Variants in OSBPL3 observed in about 807,000 individuals in gnomAD.
OSBPL3 encodes the protein oxysterol-binding protein-related protein 3.
OSBPL3 carries 65 observed loss-of-function variants against 120.1 expected under a neutral mutation model. The ratio of observed to expected loss-of-function variants is 0.54; its 90% confidence interval spans 0.44 to 0.67. The LOEUF (loss-of-function observed/expected upper bound fraction) is 0.67, where lower values mean the gene tolerates loss of function less well. OSBPL3 is among the 30% of genes least tolerant of loss of function. The probability of loss-of-function intolerance (pLI) is 0.00; values close to 1 mark genes in which losing one functional copy is unlikely to be tolerated. For synonymous variants in OSBPL3, 416 were observed against 402.6 expected (o/e 1.03, Z -0.40); for missense variants, 1,004 against 1,082.1 (o/e 0.93, Z 1.01).
intron 22 of OSBPL3, among the ~76,000 whole-genome samples, chr7:24,801,628 G>A (rs374074735): frequency 2.6e-5 from 4 of 152,328 alleles, no homozygotes; most frequent in African/African-American, 7.2e-5. Context: ...CCCAAGGGTC[G>A]AATCCAGCCT....
chr7:24,810,016 GA>G (rs1193883371), intron 19 of OSBPL3, 65 bp from the exon 20 acceptor site: 2 of 1,554,184 alleles, frequency 1.3e-6, no homozygotes, highest in Non-Finnish European at 1.8e-6. Flanking sequence ...ATTAAGGAAA[GA>G]AAAAAGGAAA....
At chr7:24,838,481 G>A (rs1400911733) in intron 14 of OSBPL3, among the ~76,000 whole-genome samples, 2 of 152,182 alleles carry the variant, frequency 1.3e-5, no homozygotes, top group Non-Finnish European at 2.9e-5. Flanking sequence ...GGGCGACAGA[G>A]TGAGACCCTG....
In OSBPL3 at chr7:24,953,801, A is replaced by C. The variant is rs533169288; in HGVS notation, c.-150+26085T>G. ...ATAAATGGTCAATGCCTGACTCTCCATTAAATGTTCAACGGCATGAACTAG... is the reference window on the plus strand; with the variant it reads ...ATAAATGGTCAATGCCTGACTCTCCCTTAAATGTTCAACGGCATGAACTAG... On this transcript the variant is annotated intron_variant, in intron 1 of 22. Coordinates refer to ENST00000313367, the MANE Select transcript of OSBPL3 (RefSeq NM_015550.4). This position sits in a 1 kb window ranked among gnomAD's most constrained non-coding sequence, Gnocchi z 4.3. Among the ~76,000 whole-genome samples the C allele has an allele frequency of 3.3e-5, 5 of 152,354 alleles. No homozygotes were observed. The highest frequency in any genetic ancestry group is 1.2e-4 in the African/African-American group (5 of 41,588).
At chr7:24,893,467 G>C (rs552818232) in intron 1 of OSBPL3, among the ~76,000 whole-genome samples, 1 of 152,346 alleles carries the variant, frequency 6.6e-6, no homozygotes, top group Admixed American at 6.5e-5. Context: ...ACTGAGGGGA[G>C]AGTAGAGTGA....
rs748621526 is a variant in OSBPL3, at chr7:24,849,337, A to G, written c.1159-161T>C. The G allele has an allele frequency of 4.0e-6, 2 of 504,094 alleles. No individual in the cohort carries two copies. The highest frequency in any genetic ancestry group is 3.6e-6 in the Non-Finnish European group (1 of 279,422). The allele number at this position is 504,094 out of a possible 1,614,324, so 31.2% of individuals were successfully genotyped here. On this transcript the variant is annotated intron_variant, in intron 11 of 22. Coordinates refer to ENST00000313367, the MANE Select transcript of OSBPL3 (RefSeq NM_015550.4). This position sits in a 1 kb window ranked among gnomAD's most constrained non-coding sequence, Gnocchi z 5.4. ...ACTTTTTCCTTGAATGCTCTCCAAG[A>G]GGATACTGGTTCTGAGATGCCTGGG...
chr7:24,864,990 T>C (rs1801101032), intron 7 of OSBPL3, among the ~76,000 whole-genome samples: 1 of 152,132 alleles, frequency 6.6e-6, no homozygotes. Flanking sequence ...AAGATCTCCA[T>C]CTGATCACTC....
intron 1 of OSBPL3, among the ~76,000 whole-genome samples, chr7:24,923,117 G>A (rs1019681772): frequency 5.3e-5 from 8 of 152,110 alleles, no homozygotes; most frequent in African/African-American, 1.9e-4. Flanking sequence ...TCTAATCCTA[G>A]AAGATAGTTT....
intron 1 of OSBPL3, among the ~76,000 whole-genome samples, chr7:24,911,710 T>G (rs746304644): frequency 3.9e-5 from 6 of 152,162 alleles, no homozygotes; most frequent in Non-Finnish European, 5.9e-5. Context: ...AATAATTCCT[T>G]GTAAGAGAAT....
rs151315445 is a variant in OSBPL3 at position 24,817,348 on chromosome 7, C to G, written c.1949-660G>C. ...CACAGCCAACATGGCGAAACCCCTT[C>G]TCTATTAAAAATACAAAAATTAGCT... On this transcript the variant is annotated intron_variant, in intron 17 of 22. Coordinates refer to ENST00000313367, the MANE Select transcript of OSBPL3 (RefSeq NM_015550.4). This position sits in a 1 kb window ranked among gnomAD's most constrained non-coding sequence, Gnocchi z 4.0. Among the ~76,000 whole-genome samples, 124 of 152,208 alleles carry G rather than the reference C, an allele frequency of 8.1e-4. No homozygotes were observed. The highest frequency in any genetic ancestry group is 2.8e-3 in the African/African-American group (116 of 41,520).
At chr7:24,885,647 CT>C (rs1254626206) in intron 2 of OSBPL3, among the ~76,000 whole-genome samples, 5 of 152,224 alleles carry the variant, frequency 3.3e-5, no homozygotes, top group Admixed American at 3.3e-4. Context: ...ATGCCAAATG[CT>C]AACAATACAC....
In OSBPL3 at chr7:24,898,523, T is replaced by C. The variant is rs981063089; in HGVS notation, c.-149-5902A>G. Among the ~76,000 whole-genome samples, 2 of 152,280 alleles carry C rather than the reference T, an allele frequency of 1.3e-5. No homozygotes were observed. Among genetic ancestry groups the C allele is most frequent in the South Asian group, 2.1e-4 (1 of 4,826 alleles). ...GACTCAAATGCTTACTCTGGCACAATAGAGTATCCATTTCTATTCCCTGCT... is the reference window on the plus strand; with the variant it reads ...GACTCAAATGCTTACTCTGGCACAACAGAGTATCCATTTCTATTCCCTGCT... On this transcript the variant is annotated intron_variant, in intron 1 of 22. Coordinates refer to ENST00000313367, the MANE Select transcript of OSBPL3 (RefSeq NM_015550.4). The surrounding 1 kb of genome is among the most constrained non-coding windows in gnomAD (Gnocchi z 4.3).
chr7:24,876,473 T>G (rs931890505), intron 2 of OSBPL3, among the ~76,000 whole-genome samples: 3 of 152,170 alleles, frequency 2.0e-5, no homozygotes, highest in African/African-American at 7.2e-5. Flanking sequence ...TGGTCTTTTT[T>G]TCCCAAGCTA....
At chr7:24,929,408 T>C (rs1247716398) in intron 1 of OSBPL3, among the ~76,000 whole-genome samples, 1 of 152,174 alleles carries the variant, frequency 6.6e-6, no homozygotes, top group East Asian at 1.9e-4. Flanking sequence ...ATTGATAAAA[T>C]AGTTAATTGA....
Position 24,854,684 on chromosome 7 carries a change from C to G in OSBPL3, c.1028-2050G>C, listed in dbSNP as rs1301186274. 1.3e-5 allele frequency among the ~76,000 whole-genome samples: 2 copies of G among 152,126 alleles called. No homozygotes were observed. Among genetic ancestry groups the G allele is most frequent in the Admixed American group, 6.6e-5 (1 of 15,248 alleles). Reference sequence around the variant, plus strand: ...ATAATGGGCAGGACAACAGAGTAATCAACAGCTGGGGCTCCACCATCAGCC... The same window carrying G: ...ATAATGGGCAGGACAACAGAGTAATGAACAGCTGGGGCTCCACCATCAGCC... On this transcript the variant is annotated intron_variant, in intron 10 of 22. Coordinates refer to ENST00000313367, the MANE Select transcript of OSBPL3 (RefSeq NM_015550.4). This position sits in a 1 kb window ranked among gnomAD's most constrained non-coding sequence, Gnocchi z 4.1.
At chr7:24,944,429 C>T (rs906544553) in intron 1 of OSBPL3, among the ~76,000 whole-genome samples, 4 of 151,974 alleles carry the variant, frequency 2.6e-5, no homozygotes, top group African/African-American at 9.7e-5. Context: ...GAGTTCAAGA[C>T]CATCCTAACC....
chr7:24,945,379 G>A (rs1186908976), intron 1 of OSBPL3, among the ~76,000 whole-genome samples: 2 of 152,156 alleles, frequency 1.3e-5, no homozygotes, highest in African/African-American at 4.8e-5. Flanking sequence ...ATTCAACATA[G>A]ACTTAGTGAC....
At chr7:24,839,605 T>C (rs1797441827) in intron 14 of OSBPL3, among the ~76,000 whole-genome samples, 4 of 152,172 alleles carry the variant, frequency 2.6e-5, no homozygotes, top group Non-Finnish European at 5.9e-5. Context: ...ATGTAAGTCC[T>C]ATCACATTCC....
Position 24,896,609 on chromosome 7 carries a change from T to A in OSBPL3, c.-149-3988A>T, listed in dbSNP as rs1806168466. On this transcript the variant is annotated intron_variant, in intron 1 of 22. Transcript: ENST00000313367. This position sits in a 1 kb window ranked among gnomAD's most constrained non-coding sequence, Gnocchi z 4.4. ...AAAGATAACACAATTTGGGAAAAGA[T>A]GTAAAGGTGACATCACATACTATAT... 6.6e-6 allele frequency among the ~76,000 whole-genome samples: 1 copy of A among 152,242 alleles called. No homozygotes were observed. Among genetic ancestry groups the A allele is most frequent in the African/African-American group, 2.4e-5 (1 of 41,466 alleles).
chr7:24,921,604 A>G (rs1810393218), intron 1 of OSBPL3, among the ~76,000 whole-genome samples: 1 of 152,168 alleles, frequency 6.6e-6, no homozygotes, highest in Non-Finnish European at 1.5e-5. Flanking sequence ...CAGGAAGTAG[A>G]AACAGTGTAC....
Sources: gnomAD v4.1 joint callset for allele counts (sites outside exome capture counted in the v4.1 genomes callset) on GRCh38, gnomAD v4.1.1 for gene constraint, Gnocchi (gnomAD v3.1) non-coding constraint, MANE v1.5 for transcripts, NCBI Gene and HGNC (gene_info 2026-07-23, HGNC 2026-07-21) for gene names.